Variants in ARNT2 observed in about 807,000 individuals in gnomAD.
ARNT2 encodes the protein ARNT protein 2.
In ARNT2, 36 loss-of-function variants were observed where a neutral mutation model predicts 91.7. That is an observed-to-expected ratio of 0.39 (90% CI 0.30 to 0.52). ARNT2 has a LOEUF of 0.52. ARNT2 is among the 20% of genes least tolerant of loss of function. The pLI, the probability that ARNT2 is intolerant of heterozygous loss-of-function variation, is 0.72. For synonymous variants in ARNT2, 365 were observed against 347.1 expected, an observed-to-expected ratio of 1.05 and a Z score of -0.57; for missense variants, 775 against 939.3, an observed-to-expected ratio of 0.83 and a Z score of 2.29.
intron 1 of ARNT2, among the ~76,000 whole-genome samples, chr15:80,407,709 CTG>C (rs56826755): frequency 3.4e-4 from 50 of 148,916 alleles, no homozygotes; most frequent in South Asian, 6.3e-4. Flanking sequence ...TTTTGTGTGT[CTG>C]TGTGTGTGTG....
At chr15:80,447,378 G>A (rs1341641438) in intron 1 of ARNT2, among the ~76,000 whole-genome samples, 4 of 152,226 alleles carry the variant, frequency 2.6e-5, no homozygotes, top group Admixed American at 6.5e-5. Flanking sequence ...CACCCTGGAG[G>A]TATCCAAAGT....
chr15:80,560,836 C>T (rs1898327383), intron 11 of ARNT2, among the ~76,000 whole-genome samples: 2 of 152,218 alleles, frequency 1.3e-5, no homozygotes, highest in Non-Finnish European at 2.9e-5. Context: ...TGCAGCTCAG[C>T]CTCCTCCCCT....
At chr15:80,571,042 A>G (rs1177166633) in intron 12 of ARNT2, among the ~76,000 whole-genome samples, 1 of 152,220 alleles carries the variant, frequency 6.6e-6, no homozygotes, top group African/African-American at 2.4e-5. Flanking sequence ...CATATTTTAT[A>G]ATGCCGAGTA....
chr15:80,570,278 C>T (rs1330594079), intron 12 of ARNT2, among the ~76,000 whole-genome samples: 1 of 151,820 alleles, frequency 6.6e-6, no homozygotes, highest in Non-Finnish European at 1.5e-5. Flanking sequence ...ACTCTGGACC[C>T]ATAGTTCACA....
chr15:80,582,859 A>T (rs551817149), intron 17 of ARNT2, among the ~76,000 whole-genome samples: 2 of 152,270 alleles, frequency 1.3e-5, no homozygotes, highest in South Asian at 4.1e-4. Context: ...TCAGGATAGC[A>T]TCCACCTTCC....
intron 8 of ARNT2, among the ~76,000 whole-genome samples, chr15:80,545,289 G>A (rs1229722250): frequency 6.6e-6 from 1 of 152,184 alleles, no homozygotes; most frequent in Non-Finnish European, 1.5e-5. Context: ...AGAATCACCT[G>A]GTCCTCTTGA....
intron 18 of ARNT2, among the ~76,000 whole-genome samples, chr15:80,592,613 C>A (rs1893300512): frequency 6.6e-6 from 1 of 152,220 alleles, no homozygotes; most frequent in Non-Finnish European, 1.5e-5. Flanking sequence ...TGTGTCTTCA[C>A]AGACAAAGGC....
intron 5 of ARNT2, among the ~76,000 whole-genome samples, chr15:80,496,396 C>T (rs1280387956): frequency 2.6e-5 from 4 of 152,326 alleles, no homozygotes; most frequent in East Asian, 3.9e-4. Context: ...CAGCCTGTAA[C>T]TCCAGCTGGT....
chr15:80,555,462 G>T (rs1424192603), intron 11 of ARNT2: 1 of 298,858 alleles, frequency 3.3e-6, no homozygotes, highest in Non-Finnish European at 6.4e-6. Flanking sequence ...GGGTCTTAAA[G>T]GATGAGCATA....
chr15:80,450,516 C>A (rs546211847), intron 1 of ARNT2, among the ~76,000 whole-genome samples: 1 of 152,354 alleles, frequency 6.6e-6, no homozygotes, highest in Admixed American at 6.5e-5. Context: ...GGAGTTGGTT[C>A]TTTCCCTCAG....
chr15:80,467,089 C>G (rs547169999), intron 3 of ARNT2, among the ~76,000 whole-genome samples: 2 of 152,310 alleles, frequency 1.3e-5, no homozygotes, highest in East Asian at 3.9e-4. Context: ...TCACAGTGAC[C>G]AGCTGAGGGG....
chr15:80,436,690 G>A (rs1476187227), intron 1 of ARNT2, among the ~76,000 whole-genome samples: 5 of 152,200 alleles, frequency 3.3e-5, no homozygotes, highest in South Asian at 2.1e-4. Flanking sequence ...ATCAGTACAC[G>A]TGGAGAAGGG....
Position 80,554,126 on chromosome 15 carries a change from T to A in ARNT2, c.1090-939T>A, listed in dbSNP as rs532117201. Among the ~76,000 whole-genome samples the A allele has an allele frequency of 2.8e-3, 422 of 152,300 alleles. 2 individuals are homozygous for A. The highest frequency in any genetic ancestry group is 9.6e-3 in the African/African-American group (398 of 41,582). On this transcript the variant is annotated intron_variant, in intron 10 of 18. Coordinates refer to ENST00000303329, the MANE Select transcript of ARNT2 (RefSeq NM_014862.4). The stretch of plus-strand genomic sequence containing the variant: ...ATCTTTTGCTGTTTAAGACACTTCC[T>A]GGCCAGGCATGGTGGCTCATGCCTG...
intron 1 of ARNT2, among the ~76,000 whole-genome samples, chr15:80,440,275 G>A (rs1184020127): frequency 6.6e-6 from 1 of 152,168 alleles, no homozygotes; most frequent in Non-Finnish European, 1.5e-5. Context: ...GACCTGTGGG[G>A]TCATCTCGCA....
At chr15:80,411,835 G>A (rs529936740) in intron 1 of ARNT2, among the ~76,000 whole-genome samples, 2 of 152,326 alleles carry the variant, frequency 1.3e-5, no homozygotes, top group African/African-American at 4.8e-5. Context: ...CAGAAGAAGG[G>A]TAGGTGATAG....
At chr15:80,563,798 G>C (rs139417768) in intron 12 of ARNT2, among the ~76,000 whole-genome samples, 48 of 152,326 alleles carry the variant, frequency 3.2e-4, no homozygotes, top group Middle Eastern at 6.8e-3. Flanking sequence ...CACCACTCCT[G>C]TGTTCCATGC....
At chr15:80,578,089 C>A (rs1005004700) in intron 15 of ARNT2, among the ~76,000 whole-genome samples, 1 of 152,224 alleles carries the variant, frequency 6.6e-6, no homozygotes, top group East Asian at 1.9e-4. Flanking sequence ...TGATGCCAAG[C>A]CCTGTGCCAG....
chr15:80,488,609 A>G (rs1482946613), intron 5 of ARNT2: 1 of 152,236 alleles, frequency 6.6e-6, no homozygotes, highest in Non-Finnish European at 1.5e-5. Context: ...ACTGTACCAT[A>G]GTGAAGTTCA....
chr15:80,404,872 C>T lies in ARNT2; in HGVS notation c.31+326C>T, dbSNP rs1354304697. On this transcript the variant is annotated intron_variant, in intron 1 of 18. Transcript: ENST00000303329. The surrounding 1 kb of genome is among the most constrained non-coding windows in gnomAD (Gnocchi z 5.5). ...AACCGCCTTTGCCTTCCCCATCCCA[C>T]GCATTTTTCTCTTCCGGTCCCGGCT... is the stretch of plus-strand genomic sequence containing the variant. Among the ~76,000 whole-genome samples the T allele has an allele frequency of 3.3e-5, 5 of 152,234 alleles. No individual in the cohort carries two copies. The highest frequency in any genetic ancestry group is 6.5e-5 in the Admixed American group (1 of 15,290).
Sources: allele counts gnomAD v4.1 joint callset (sites outside exome capture counted in the v4.1 genomes callset), GRCh38; gene constraint gnomAD v4.1.1; non-coding constraint Gnocchi (gnomAD v3.1); transcripts MANE v1.5; gene names NCBI Gene and HGNC (gene_info 2026-07-23, HGNC 2026-07-21).